The following DOCK4 variants were observed in gnomAD, a reference collection of about 807,000 sequenced individuals.
DOCK4 encodes the protein dedicator of cytokinesis protein 4.
Under a neutral mutation model 268.1 loss-of-function variants are expected in DOCK4, and 97 were observed. The observed-to-expected ratio is 0.36, with a 90% confidence interval of 0.31 to 0.43. DOCK4 has a LOEUF of 0.43. DOCK4 is among the 20% of genes least tolerant of loss of function. The pLI is 1.00. For synonymous variants in DOCK4, 954 were observed against 887.2 expected (o/e 1.08, Z -1.34); for missense variants, 2,145 against 2,455.7 (o/e 0.87, Z 2.67).
chr7:111,747,291 A>G lies in DOCK4; in HGVS notation c.4569T>C (p.Asn1523=). The change falls in exon 43 of 53, where the codon AAT becomes AAC. Residue 1523 remains asparagine, a synonymous_variant. Transcript: ENST00000428084. ...CCTCTTGATACCTGGAAACGCCACC[A>G]TTAACTGCAGCATCTATAACTCCAT... The part of the protein sequence containing the change: ...CLNGVIDAAV[N]GGVSRYQEAF... The G allele has an allele frequency of 6.2e-7, 1 of 1,613,510 alleles. No homozygotes were observed. Among genetic ancestry groups the G allele is most frequent in the Non-Finnish European group, 8.5e-7 (1 of 1,179,726 alleles).
intron 1 of DOCK4, among the ~76,000 whole-genome samples, chr7:112,193,080 A>C (rs1292413119): frequency 6.6e-6 from 1 of 152,056 alleles, no homozygotes. Context: ...ACTTCCATCT[A>C]CTTTTTAAAA....
chr7:112,012,799 A>G (rs1358540479), intron 1 of DOCK4, among the ~76,000 whole-genome samples: 1 of 152,072 alleles, frequency 6.6e-6, no homozygotes, highest in South Asian at 2.1e-4. Context: ...GTTTTTTTTT[A>G]TAAGAGAAAA....
chr7:111,936,487 TG>T (rs1230844480), intron 11 of DOCK4, among the ~76,000 whole-genome samples: 1,937 of 89,968 alleles, frequency 0.022, 51 homozygotes, highest in African/African-American at 0.12. Flanking sequence ...GTGGTATGAA[TG>T]GATGGATGGA....
chr7:112,111,762 C>T (rs1328390643), intron 1 of DOCK4, among the ~76,000 whole-genome samples: 1 of 152,164 alleles, frequency 6.6e-6, no homozygotes, highest in African/African-American at 2.4e-5. Flanking sequence ...GACCTGCCGG[C>T]CTAACCTGGA....
intron 27 of DOCK4, among the ~76,000 whole-genome samples, chr7:111,816,591 GGT>G: frequency 6.6e-6 from 1 of 152,232 alleles, no homozygotes; most frequent in East Asian, 1.9e-4. Context: ...TTTGAGGACT[GGT>G]GTTACACATG....
Position 112,066,704 on chromosome 7 carries a change from T to C in DOCK4, c.38-62573A>G, listed in dbSNP as rs372644303. 2.4e-3 allele frequency among the ~76,000 whole-genome samples: 125 copies of C among 52,034 alleles called. 4 individuals carry two copies. The highest frequency in any genetic ancestry group is 6.6e-3 in the African/African-American group (102 of 15,474). 34.1% of individuals were successfully genotyped at this position (52,034 alleles called of 152,430 possible). Reference sequence around the variant, plus strand: ...ATATACATATACATATATATATATATATATATATATATATATATATATATA... The same window carrying C: ...ATATACATATACATATATATATATACATATATATATATATATATATATATA... On this transcript the variant is annotated intron_variant, in intron 1 of 52. Transcript: ENST00000428084.
rs1028249363 is a variant in DOCK4 at position 111,926,300 on chromosome 7, C to T, written c.1066+9240G>A. On this transcript the variant is annotated intron_variant, in intron 12 of 52. Transcript: ENST00000428084. Reference sequence around the variant, plus strand: ...AATAAATAAGCCGAGCATGGTGGCGCGCCGCCTGTAGTTCCAGCTATTCAG... The same window carrying T: ...AATAAATAAGCCGAGCATGGTGGCGTGCCGCCTGTAGTTCCAGCTATTCAG... 1.1e-3 allele frequency among the ~76,000 whole-genome samples: 140 copies of T among 122,234 alleles called. 4 individuals carry two copies. The highest frequency in any genetic ancestry group is 3.4e-3 in the East Asian group (13 of 3,820). 80.2% of individuals were successfully genotyped at this position (122,234 alleles called of 152,430 possible). A position where few individuals can be genotyped will look rare whatever the true frequency, so the allele number is the denominator to read the frequency against.
intron 13 of DOCK4, among the ~76,000 whole-genome samples, chr7:111,907,153 A>C (rs941115134): frequency 6.6e-6 from 1 of 151,892 alleles, no homozygotes; most frequent in Admixed American, 6.6e-5. Context: ...TATATCTCCA[A>C]TTCTCACACA....
chr7:111,913,196 C>G (rs1424715074), intron 13 of DOCK4, among the ~76,000 whole-genome samples: 1 of 151,516 alleles, frequency 6.6e-6, no homozygotes, highest in Admixed American at 6.6e-5. Flanking sequence ...AACTCCTGAC[C>G]TCAGGTGATC....
chr7:111,758,035 A>G (rs1306767490), intron 41 of DOCK4, among the ~76,000 whole-genome samples: 1 of 152,092 alleles, frequency 6.6e-6, no homozygotes, highest in Admixed American at 6.5e-5. Context: ...GGAACTACTG[A>G]GAGCAGAGAA....
chr7:112,009,243 C>T (rs1413854370), intron 1 of DOCK4, among the ~76,000 whole-genome samples: 1 of 152,128 alleles, frequency 6.6e-6, no homozygotes, highest in Admixed American at 6.5e-5. Flanking sequence ...AGGAAAACTT[C>T]TCTCTTCAGG....
In DOCK4 at chr7:111,928,841, G is replaced by A. The variant is rs1172115171; in HGVS notation, c.1066+6699C>T. ...TGACCTCAAGTGATCCACGGACCTC[G>A]GCCTCCCAAAGTACTGGGATTACAG... On this transcript the variant is annotated intron_variant, in intron 12 of 52. Coordinates refer to ENST00000428084, the MANE Select transcript of DOCK4 (RefSeq NM_001363540.2). Among the ~76,000 whole-genome samples, 7 of 151,982 alleles carry A rather than the reference G, an allele frequency of 4.6e-5. No individual in the cohort carries two copies. The East Asian group carries it at 9.6e-4, about 21-fold the overall frequency.
chr7:112,133,048 A>G (rs1275978062), intron 1 of DOCK4, among the ~76,000 whole-genome samples: 1 of 152,218 alleles, frequency 6.6e-6, no homozygotes, highest in East Asian at 1.9e-4. Context: ...AAATTCCACA[A>G]GAATTTTCTA....
At chr7:111,770,712 C>T (rs1056594039) in intron 36 of DOCK4, among the ~76,000 whole-genome samples, 6 of 152,170 alleles carry the variant, frequency 3.9e-5, no homozygotes, top group African/African-American at 1.4e-4. Context: ...TGGACAAATA[C>T]TTATGTTATT....
intron 11 of DOCK4, among the ~76,000 whole-genome samples, chr7:111,936,490 ATGGATGGATGGATGGATGG>A (rs1562910780): frequency 3.3e-5 from 3 of 90,524 alleles, no homozygotes; most frequent in African/African-American, 1.3e-4. Flanking sequence ...GTATGAATGG[ATGGATGGATGGATGGATGG>A]ATGGATGGAT....
intron 23 of DOCK4, among the ~76,000 whole-genome samples, chr7:111,862,482 CTTTTTTTTT>C (rs1168060750): frequency 0.12 from 10,205 of 83,388 alleles, 481 homozygotes; most frequent in African/African-American, 0.22. Flanking sequence ...GAAAATCATT[CTTTTTTTTT>C]TTTTTTTTTT....
chr7:112,174,744 T>C (rs1334206169), intron 1 of DOCK4, among the ~76,000 whole-genome samples: 1 of 152,118 alleles, frequency 6.6e-6, no homozygotes, highest in Admixed American at 6.5e-5. Context: ...CCCAGAAACC[T>C]GTAATACCAT....
intron 1 of DOCK4, among the ~76,000 whole-genome samples, chr7:112,117,060 C>T (rs567591578): frequency 2.0e-4 from 30 of 152,296 alleles, no homozygotes; most frequent in African/African-American, 7.2e-4. Context: ...AGCCATGCAA[C>T]AACAAACAAA....
chr7:111,928,721 G>A (rs957257969), intron 12 of DOCK4, among the ~76,000 whole-genome samples: 3 of 151,572 alleles, frequency 2.0e-5, no homozygotes, highest in Admixed American at 2.0e-4. Context: ...CTGAGTAGCT[G>A]GAATTAACAG....
Sources: gnomAD v4.1 joint callset for allele counts (sites outside exome capture counted in the v4.1 genomes callset) on GRCh38, gnomAD v4.1.1 for gene constraint, MANE v1.5 for transcripts, NCBI Gene and HGNC (gene_info 2026-07-23, HGNC 2026-07-21) for gene names.